Variants in MTMR8 observed in about 807,000 individuals in gnomAD.
The protein encoded by MTMR8 is phosphatidylinositol-3,5-bisphosphate 3-phosphatase MTMR8.
Under a neutral mutation model 39.3 loss-of-function variants are expected in MTMR8, and 65 were observed. That is an observed-to-expected ratio of 1.65 (90% CI 1.35 to 2.03). The LOEUF (loss-of-function observed/expected upper bound fraction) is 2.03. Among genes scored for constraint, MTMR8 ranks in the 30% most tolerant of loss-of-function variants. MTMR8 has a pLI of 0.00. For missense variants in MTMR8, 777 were observed against 538.9 expected (o/e 1.44, Z -4.37); for synonymous variants, 245 against 185.2 (o/e 1.32, Z -2.62).
At chrX:64,394,234 C>T (rs1330272115) in intron 1 of MTMR8, among the ~76,000 whole-genome samples, 2 of 111,892 alleles carry the variant, frequency 1.8e-5, no homozygotes, top group African/African-American at 6.5e-5. Flanking sequence ...ATTCAACCGT[C>T]TCCCACCGGG....
At chrX:64,279,497 G>A (rs1931956777) in intron 12 of MTMR8, among the ~76,000 whole-genome samples, 1 of 111,666 alleles carries the variant, frequency 9.0e-6, no homozygotes, top group Non-Finnish European at 1.9e-5. Context: ...ACAAATGAAT[G>A]GAAAGACATT....
chrX:64,302,286 C>T (rs1005092918), intron 12 of MTMR8, among the ~76,000 whole-genome samples: 5 of 112,529 alleles, frequency 4.4e-5, no homozygotes, highest in South Asian at 3.7e-4. Flanking sequence ...TTTTTTAAGC[C>T]GGTCTGAAAA....
intron 12 of MTMR8, among the ~76,000 whole-genome samples, chrX:64,282,589 A>G (rs1224451995): frequency 1.8e-5 from 2 of 112,103 alleles, no homozygotes; most frequent in Non-Finnish European, 3.8e-5. Context: ...CAAAGTGTAT[A>G]AAAGACCTAA....
chrX:64,269,266 T>A (rs1156857351), intron 13 of MTMR8, among the ~76,000 whole-genome samples: 1 of 111,761 alleles, frequency 8.9e-6, no homozygotes, highest in African/African-American at 3.3e-5. Flanking sequence ...ATAAAAGTCA[T>A]CTTTTATGAT....
intron 1 of MTMR8, among the ~76,000 whole-genome samples, chrX:64,368,851 A>G (rs1391380255): frequency 8.9e-6 from 1 of 112,356 alleles, no homozygotes; most frequent in African/African-American, 3.2e-5. Context: ...AATTTTTGCA[A>G]TCTACCCATC....
rs746986516 is a variant in MTMR8 at position 64,359,444 on chromosome X, G to T, written c.108C>A (p.Ile36=). The T allele has an allele frequency of 8.3e-7, 1 of 1,207,282 alleles. No homozygotes were observed. Among genetic ancestry groups the T allele is most frequent in the Non-Finnish European group, 1.1e-6 (1 of 892,558 alleles). Residue 36 remains isoleucine, a synonymous_variant, in exon 2 of 14, where the codon ATC becomes ATA. Coordinates refer to ENST00000374852, the MANE Select transcript of MTMR8 (RefSeq NM_017677.4). ...GILYLTATHL[I]YVEASGAARK... ...GGGCTGCACCTGAAGCCTCCACATA[G>T]ATCAGGTGGGTTGCAGTAAGATAAA...
At chrX:64,293,169 G>C (rs1027206458) in intron 12 of MTMR8, among the ~76,000 whole-genome samples, 1 of 111,449 alleles carries the variant, frequency 9.0e-6, no homozygotes, top group Admixed American at 9.6e-5. Flanking sequence ...TCTCAGGAGG[G>C]CGCCTGATAA....
intron 12 of MTMR8, chrX:64,305,001 T>A (rs1226212511): frequency 5.2e-5 from 7 of 135,510 alleles, no homozygotes; most frequent in African/African-American, 2.5e-4. Context: ...TATACGTATG[T>A]ATGTATGTAT....
At chrX:64,333,939 T>C (rs901794242) in intron 10 of MTMR8, among the ~76,000 whole-genome samples, 2 of 111,819 alleles carry the variant, frequency 1.8e-5, no homozygotes, top group Admixed American at 1.9e-4. Flanking sequence ...TAATCACTCT[T>C]TCACAGTCAA....
chrX:64,281,884 C>A lies in MTMR8; in HGVS notation c.1482-10811G>T, dbSNP rs1298273216. On this transcript the variant is annotated intron_variant, in intron 12 of 13. Transcript: ENST00000374852. ...AACAAATTTACAAGGAAAAAAACAACCCCATCAAAAAGAGGGCAAAGGACA... is the reference window on the plus strand; with the variant it reads ...AACAAATTTACAAGGAAAAAAACAAACCCATCAAAAAGAGGGCAAAGGACA... Among the ~76,000 whole-genome samples the A allele has an allele frequency of 8.3e-5, 9 of 107,989 alleles. No individual in the cohort carries two copies. The Admixed American group carries it at 8.9e-4, about 11-fold the overall frequency. 93.8% of individuals were successfully genotyped at this position (107,989 alleles called of 115,157 possible).
intron 6 of MTMR8, among the ~76,000 whole-genome samples, chrX:64,348,091 A>T (rs1295668841): frequency 8.9e-6 from 1 of 111,746 alleles, no homozygotes; most frequent in African/African-American, 3.3e-5. Context: ...ACTGCACTGT[A>T]CTAAACCGGC....
intron 3 of MTMR8, 37 bp from the exon 4 acceptor site, chrX:64,354,971 G>A (rs1259308439): frequency 1.9e-5 from 21 of 1,081,680 alleles, no homozygotes; most frequent in Non-Finnish European, 2.3e-5. Flanking sequence ...ACAAAATGAT[G>A]AATGAAACCT....
intron 4 of MTMR8, among the ~76,000 whole-genome samples, chrX:64,350,906 C>G (rs751780676): frequency 9.0e-6 from 1 of 111,413 alleles, no homozygotes; most frequent in Non-Finnish European, 1.9e-5. Context: ...CTAAAGAACA[C>G]CCCCAAACAT....
chrX:64,343,105 A>T (rs1323996350), intron 8 of MTMR8, among the ~76,000 whole-genome samples: 1 of 111,674 alleles, frequency 9.0e-6, no homozygotes. Context: ...TTGTACTCAG[A>T]GTTCTGAAAA....
intron 12 of MTMR8, chrX:64,305,605 C>T (rs929887399): frequency 5.8e-6 from 3 of 518,287 alleles, no homozygotes; most frequent in South Asian, 4.7e-5. Context: ...GCAGTCTGAA[C>T]CACCCGGCGG....
Position 64,337,455 on chromosome X carries a change from G to A in MTMR8, c.976-62C>T. On this transcript the variant is annotated intron_variant, in intron 8 of 13. Transcript: ENST00000374852. Reference sequence around the variant, plus strand: ...CCTTTGCACAGCTTGTTGGATTAAAGAGTTGCCAAATACTGTCCCTAAAGC... The same window carrying A: ...CCTTTGCACAGCTTGTTGGATTAAAAAGTTGCCAAATACTGTCCCTAAAGC... The A allele has an allele frequency of 2.6e-6, 3 of 1,152,193 alleles. No homozygotes were observed. In the South Asian group the frequency reaches 5.8e-5, roughly 22 times the overall value. The allele number at this position is 1,152,193 out of a possible 1,213,427, so 95.0% of individuals were successfully genotyped here. A position where few individuals can be genotyped will look rare whatever the true frequency, so the allele number is the denominator to read the frequency against.
At chrX:64,275,334 G>A (rs1411030209) in intron 12 of MTMR8, among the ~76,000 whole-genome samples, 1 of 110,700 alleles carries the variant, frequency 9.0e-6, no homozygotes, top group African/African-American at 3.3e-5. Flanking sequence ...TAGCCCAAAG[G>A]TAGTGGAGGA....
intron 12 of MTMR8, among the ~76,000 whole-genome samples, chrX:64,282,912 C>T (rs757167503): frequency 1.8e-4 from 20 of 111,475 alleles, no homozygotes; most frequent in African/African-American, 5.5e-4. Flanking sequence ...ATGCAGAAGA[C>T]GGGTGATTTC....
chrX:64,337,534 C>T (rs935635319), intron 8 of MTMR8, 141 bp from the exon 9 acceptor site: 2 of 592,670 alleles, frequency 3.4e-6, no homozygotes, highest in African/African-American at 2.3e-5. Context: ...ACATTAACAT[C>T]CTCTATGGGG....
Sources: allele counts gnomAD v4.1 joint callset (sites outside exome capture counted in the v4.1 genomes callset), GRCh38; gene constraint gnomAD v4.1.1; transcripts MANE v1.5; gene names NCBI Gene and HGNC (gene_info 2026-07-23, HGNC 2026-07-21).